The following KIF16B variants were observed in gnomAD, a reference collection of about 807,000 sequenced individuals.
KIF16B encodes kinesin family member 16B, also known as kinesin-like protein KIF16B.
In KIF16B, 98 loss-of-function variants were observed where a neutral mutation model predicts 156.3. That is an observed-to-expected ratio of 0.63 (90% CI 0.53 to 0.74). The LOEUF (loss-of-function observed/expected upper bound fraction) is 0.74. Among genes scored for constraint, KIF16B ranks in the 30% least tolerant of loss-of-function variants. KIF16B has a pLI of 0.00. For missense variants in KIF16B, 1,421 were observed against 1,606.5 expected, an observed-to-expected ratio of 0.88 and a Z score of 1.97; for synonymous variants, 564 against 583.7, an observed-to-expected ratio of 0.97 and a Z score of 0.49.
intron 25 of KIF16B, among the ~76,000 whole-genome samples, chr20:16,286,221 T>C (rs1374474555): frequency 2.6e-5 from 4 of 152,188 alleles, no homozygotes; most frequent in Non-Finnish European, 4.4e-5. Flanking sequence ...TAATAAACAA[T>C]CTTATATACA....
intron 15 of KIF16B, among the ~76,000 whole-genome samples, chr20:16,424,356 C>T (rs1600360896): frequency 6.6e-6 from 1 of 152,038 alleles, no homozygotes; most frequent in African/African-American, 2.4e-5. Flanking sequence ...CATTATGCAC[C>T]TCCTCCAAAA....
intron 1 of KIF16B, among the ~76,000 whole-genome samples, chr20:16,531,356 T>G (rs2069740065): frequency 1.3e-5 from 2 of 152,186 alleles, no homozygotes; most frequent in Admixed American, 1.3e-4. Context: ...AGTTTCTCCT[T>G]TAGAGATATT....
intron 22 of KIF16B, chr20:16,368,803 T>G (rs1025476079): frequency 1.0e-6 from 1 of 985,754 alleles, no homozygotes; most frequent in Non-Finnish European, 1.2e-6. Flanking sequence ...CCTGGCCTGC[T>G]TGCCTCCGCT....
rs2065054972 is a variant in KIF16B, at chr20:16,380,016, G to T, written c.1986C>A (p.Ser662Arg). 1.2e-6 allele frequency: 2 copies of T among 1,600,624 alleles called. No individual in the cohort carries two copies. The highest frequency in any genetic ancestry group is 1.7e-6 in the Non-Finnish European group (2 of 1,174,894). ...CCTTTAGCTTGTTCTCGATGTGGAAGCTGCGGCGTTTGAGGCTCTCCTCCT... is the reference window on the plus strand; with the variant it reads ...CCTTTAGCTTGTTCTCGATGTGGAATCTGCGGCGTTTGAGGCTCTCCTCCT... ...RKQEESLKRR[S>R]FHIENKLKDL... The change falls in exon 19 of 26, where the codon AGC (serine) becomes AGA (arginine). Residue 662 changes from serine to arginine, a missense_variant. Physicochemically the swap from Ser to Arg is moderately radical, Grantham distance 110. Transcript: ENST00000354981.
chr20:16,363,383 T>G (rs1010377837), intron 22 of KIF16B, among the ~76,000 whole-genome samples: 3 of 152,232 alleles, frequency 2.0e-5, no homozygotes, highest in African/African-American at 7.2e-5. Flanking sequence ...CCCGGTACCT[T>G]AATGTTTCCA....
At chr20:16,501,867 T>C (rs904308097) in intron 10 of KIF16B, among the ~76,000 whole-genome samples, 1 of 152,130 alleles carries the variant, frequency 6.6e-6, no homozygotes, top group Non-Finnish European at 1.5e-5. Context: ...GAGTAGTTCC[T>C]GAAAAGAAGG....
chr20:16,445,418 A>ATGTGTGTGTGTGTGTG (rs1190103930), intron 12 of KIF16B, among the ~76,000 whole-genome samples: 1 of 91,152 alleles, frequency 1.1e-5, no homozygotes, highest in African/African-American at 5.2e-5. Context: ...ACATGTATAT[A>ATGTGTGTGTGTGTGTG]CGTGTGTGTG....
At position 16,381,757 on chromosome 20, in the gene KIF16B, T is replaced by C; in HGVS notation, c.1785-10A>G. The stretch of plus-strand genomic sequence containing the variant: ...CCTCTCAAATTCAAGTCTAATAAAA[T>C]CAAATGAAAATGAGTCACTTTTCTA... On this transcript the variant is annotated splice_polypyrimidine_tract_variant and intron_variant, in intron 17 of 25. Transcript: ENST00000354981. 6.2e-7 allele frequency: 1 copy of C among 1,606,646 alleles called. No individual in the cohort carries two copies. Among genetic ancestry groups the C allele is most frequent in the Non-Finnish European group, 8.5e-7 (1 of 1,174,836 alleles).
chr20:16,528,657 A>G (rs1255381328), intron 1 of KIF16B, among the ~76,000 whole-genome samples: 2 of 152,216 alleles, frequency 1.3e-5, no homozygotes, highest in Non-Finnish European at 2.9e-5. Context: ...GCTGATACAC[A>G]GTGTGTTGTT....
intron 23 of KIF16B, among the ~76,000 whole-genome samples, chr20:16,343,917 G>C (rs950082512): frequency 2.6e-4 from 40 of 151,960 alleles, no homozygotes; most frequent in Admixed American, 5.2e-4. Context: ...TGTACAGTTA[G>C]TAAATGTTAC....
chr20:16,277,459 T>TTTTATATATA (rs74175678), intron 25 of KIF16B, among the ~76,000 whole-genome samples: 14 of 143,902 alleles, frequency 9.7e-5, no homozygotes, highest in African/African-American at 3.5e-4. Context: ...TATGTACATA[T>TTTTATATATA]TATATATATA....
chr20:16,326,578 A>G (rs1310957793), intron 24 of KIF16B, among the ~76,000 whole-genome samples: 1 of 152,186 alleles, frequency 6.6e-6, no homozygotes, highest in Non-Finnish European at 1.5e-5. Context: ...AATGCTCAAC[A>G]TCACTAATTA....
chr20:16,543,123 G>C lies in KIF16B; in HGVS notation c.48-14683C>G, dbSNP rs556314501. ...TTTAACCACCTAGGAGGTTCTGATG[G>C]TCAACTGGGTTTGGGACCACTGCGC... is the stretch of plus-strand genomic sequence containing the variant. On this transcript the variant is annotated intron_variant, in intron 1 of 25. Transcript: ENST00000354981. 2.0e-5 allele frequency among the ~76,000 whole-genome samples: 3 copies of C among 152,288 alleles called. No individual in the cohort carries two copies. The East Asian group carries it at 5.8e-4, about 29-fold the overall frequency.
At chr20:16,353,259 G>T (rs2064375433) in intron 23 of KIF16B, among the ~76,000 whole-genome samples, 2 of 152,064 alleles carry the variant, frequency 1.3e-5, no homozygotes, top group Admixed American at 1.3e-4. Context: ...ATGACTATTT[G>T]TTCTAGAAAA....
rs1489288047 is a variant in KIF16B at position 16,512,887 on chromosome 20, G to C, written c.385C>G (p.Leu129Val). ...GTGGTTTCATTTATCCGACTGAAGA[G>C]TCCTTCACAGATCCGAGGTATTAAG... ...SGLIPRICEG[L>V]FSRINETTRW... The change falls in exon 5 of 26, where the codon CTC (leucine) becomes GTC (valine). Residue 129 changes from leucine to valine, a missense_variant. Physicochemically the swap from Leu to Val is conservative, Grantham distance 32 (BLOSUM62 1). Transcript: ENST00000354981. The C allele has an allele frequency of 6.2e-7, 1 of 1,613,696 alleles. No individual in the cohort carries two copies. The highest frequency in any genetic ancestry group is 8.5e-7 in the Non-Finnish European group (1 of 1,179,590).
intron 1 of KIF16B, among the ~76,000 whole-genome samples, chr20:16,562,857 C>T (rs2071116932): frequency 6.6e-6 from 1 of 152,152 alleles, no homozygotes; most frequent in Non-Finnish European, 1.5e-5. Flanking sequence ...GACTCAGTTT[C>T]CCATCTATAA....
Position 16,321,095 on chromosome 20 carries a change from T to C in KIF16B, c.3712-8677A>G, listed in dbSNP as rs553068126. 3.9e-5 allele frequency among the ~76,000 whole-genome samples: 6 copies of C among 152,232 alleles called. No individual in the cohort carries two copies. The South Asian group carries it at 1.2e-3, about 32-fold the overall frequency. On this transcript the variant is annotated intron_variant, in intron 24 of 25. Transcript: ENST00000354981. ...TTTCACTCTTTTCCCTATTCTTCGA[T>C]TTTAATTTCTTTTTTGTCAATCTAC...
At position 16,416,668 on chromosome 20, in the gene KIF16B, G is replaced by A. The variant is rs566116619; in HGVS notation, c.1613-10212C>T. Reference sequence around the variant, plus strand: ...GTTGATAGGTGCAGCAAACCACCATGGCACACGTTTACATATGTAACAAAC... The same window carrying A: ...GTTGATAGGTGCAGCAAACCACCATAGCACACGTTTACATATGTAACAAAC... On this transcript the variant is annotated intron_variant, in intron 15 of 25. Transcript: ENST00000354981. Among the ~76,000 whole-genome samples the A allele has an allele frequency of 2.6e-5, 4 of 151,748 alleles. No homozygotes were observed. In the South Asian group the frequency reaches 8.4e-4, roughly 32 times the overall value.
At chr20:16,455,112 T>A (rs943256389) in intron 12 of KIF16B, among the ~76,000 whole-genome samples, 5 of 152,218 alleles carry the variant, frequency 3.3e-5, no homozygotes, top group Non-Finnish European at 7.3e-5. Flanking sequence ...TTCATGATTC[T>A]ACAACGATAA....
Sources: gnomAD v4.1 joint callset for allele counts (sites outside exome capture counted in the v4.1 genomes callset) on GRCh38, gnomAD v4.1.1 for gene constraint, MANE v1.5 for transcripts, NCBI Gene and HGNC (gene_info 2026-07-23, HGNC 2026-07-21) for gene names.